REXO1: variants seen among roughly 807,000 people sequenced by gnomAD.
The protein encoded by REXO1 is RNA exonuclease 1 homolog.
A neutral mutation model predicts 102.6 loss-of-function variants in REXO1; 42 were observed. The ratio of observed to expected loss-of-function variants is 0.41; its 90% CI spans 0.32 to 0.53. REXO1 has a LOEUF of 0.53. Among genes scored for constraint, REXO1 ranks in the 20% least tolerant of loss-of-function variants. REXO1 has a pLI of 0.27. For synonymous variants in REXO1, 908 were observed against 779.1 expected, an observed-to-expected ratio of 1.17 and a Z score of -2.76; for missense variants, 1,819 against 1,732.5, an observed-to-expected ratio of 1.05 and a Z score of -0.89.
At chr19:1,819,199 TCCCACCCACCC>T in intron 7 of REXO1, 68 bp from the exon 8 acceptor site, 2 of 1,202,714 alleles carry the variant, frequency 1.7e-6, no homozygotes, top group Non-Finnish European at 2.3e-6. Context: ...CCGCCTGCTC[TCCCACCCACCC>T]TGCCCTCCTC....
At chr19:1,847,182 G>A (rs549883602) in intron 1 of REXO1, among the ~76,000 whole-genome samples, 2 of 152,342 alleles carry the variant, frequency 1.3e-5, no homozygotes, top group South Asian at 2.1e-4. Context: ...GCAAACAACC[G>A]CCCACAGGTG....
chr19:1,847,392 G>T (rs977245112), intron 1 of REXO1, among the ~76,000 whole-genome samples: 17 of 152,202 alleles, frequency 1.1e-4, no homozygotes, highest in African/African-American at 3.9e-4. Flanking sequence ...TGGGACGAAG[G>T]AAGTCAGGGG....
chr19:1,826,993 T>A lies in REXO1; in HGVS notation c.1796A>T (p.Tyr599Phe). The change falls in exon 2 of 16, where the codon TAC (tyrosine) becomes TTC (phenylalanine). Residue 599 changes from tyrosine (Y) to phenylalanine (F), a missense_variant. Tyr to Phe is a conservative substitution (Grantham distance 22, BLOSUM62 3). Coordinates refer to ENST00000170168, the MANE Select transcript of REXO1 (RefSeq NM_020695.4). This position sits in a 1 kb window ranked among gnomAD's most constrained non-coding sequence, Gnocchi z 4.3. ...STSSAGADVD[Y>F]SALEKEVDFD... ...GTCCACCTCCTTCTCCAGGGCCGAG[T>A]AGTCCACATCCGCCCCCGCGCTGGA... The A allele has an allele frequency of 6.4e-7, 1 of 1,556,794 alleles. No homozygotes were observed. Among genetic ancestry groups the A allele is most frequent in the South Asian group, 1.2e-5 (1 of 85,008 alleles).
Position 1,826,915 on chromosome 19 carries a change from C to T in REXO1, c.1874G>A (p.Ser625Asn), listed in dbSNP as rs2069742220. ...ECLRIFNEST[S>N]VKTEDRGRLA... is the part of the protein sequence containing the mutation. Reference sequence around the variant, plus strand: ...CCGGCCTCTGTCCTCCGTCTTGACGCTGGTGGACTCGTTGAAGATCCGCAG... The same window carrying T: ...CCGGCCTCTGTCCTCCGTCTTGACGTTGGTGGACTCGTTGAAGATCCGCAG... The change falls in exon 2 of 16, where the codon AGC (serine) becomes AAC (asparagine). Residue 625 changes from serine (S) to asparagine (N), a missense_variant. By Grantham distance (46) the Ser-to-Asn change is conservative (BLOSUM62 1). Coordinates refer to ENST00000170168, the MANE Select transcript of REXO1 (RefSeq NM_020695.4). This position sits in a 1 kb window ranked among gnomAD's most constrained non-coding sequence, Gnocchi z 4.3. 1.3e-6 allele frequency: 2 copies of T among 1,584,144 alleles called. No individual in the cohort carries two copies. The highest frequency in any genetic ancestry group is 2.2e-4 in the Middle Eastern group (1 of 4,496).
chr19:1,835,529 C>T (rs1404486570), intron 1 of REXO1, among the ~76,000 whole-genome samples: 1 of 152,154 alleles, frequency 6.6e-6, no homozygotes, highest in African/African-American at 2.4e-5. Flanking sequence ...ACCTGGGCGA[C>T]AGAGCTATAC....
chr19:1,816,838 A>AT (rs1263426573), intron 12 of REXO1, 25 bp from the exon 13 acceptor site: 2 of 1,552,126 alleles, frequency 1.3e-6, no homozygotes, highest in Non-Finnish European at 8.9e-7. Context: ...TGCACCTCAG[A>AT]TGTGTCCCAG....
chr19:1,827,687 C>G lies in REXO1; in HGVS notation c.1102G>C (p.Gly368Arg). The G allele has an allele frequency of 6.4e-7, 1 of 1,567,250 alleles. No individual in the cohort carries two copies. The highest frequency in any genetic ancestry group is 8.5e-7 in the Non-Finnish European group (1 of 1,170,836). ...SPAQVQSSQD[G>R]GCPKEGKPKK... ...GGTTTTCCCTCCTTGGGGCAGCCCC[C>G]ATCCTGTGAGGACTGGACCTGGGCT... Residue 368 changes from glycine to arginine, a missense_variant, in exon 2 of 16, where the codon GGG becomes CGG. Physicochemically the swap from Gly to Arg is moderately radical, Grantham distance 125. Coordinates refer to ENST00000170168, the MANE Select transcript of REXO1 (RefSeq NM_020695.4).
At chr19:1,836,583 T>C (rs1017644271) in intron 1 of REXO1, among the ~76,000 whole-genome samples, 2 of 151,762 alleles carry the variant, frequency 1.3e-5, no homozygotes, top group African/African-American at 2.4e-5. Flanking sequence ...CCGTCTCTAC[T>C]AAGAAAACAC....
chr19:1,821,636 G>A lies in REXO1; in HGVS notation c.2277C>T (p.Ser759=). The A allele has an allele frequency of 1.2e-6, 2 of 1,613,466 alleles. No individual in the cohort carries two copies. The highest frequency in any genetic ancestry group is 1.7e-5 in the Admixed American group (1 of 60,008). ...KRTLAASGSQ[S]SNGPEPGGQQ... is the part of the protein sequence containing the mutation. ...GGCCACCTGGCTCAGGGCCGTTGGAGGACTGGCTGCCGCTGGCCGCAAGGG... is the reference window on the plus strand; with the variant it reads ...GGCCACCTGGCTCAGGGCCGTTGGAAGACTGGCTGCCGCTGGCCGCAAGGG... The change falls in exon 5 of 16, where the codon TCC becomes TCT. Residue 759 remains serine, a synonymous_variant. Transcript: ENST00000170168.
rs1315453632 is a variant in REXO1 at position 1,826,422 on chromosome 19, T to G, written c.1911+456A>C. On this transcript the variant is annotated intron_variant, in intron 2 of 15. Transcript: ENST00000170168. The surrounding 1 kb of genome is among the most constrained non-coding windows in gnomAD (Gnocchi z 4.3). ...GGGAGGAGAAAGGAGCCGGAGGGGA[T>G]GAGGAGGAGGCAAGGAGAGGAGACA... Among the ~76,000 whole-genome samples, 2 of 134,770 alleles carry G rather than the reference T, an allele frequency of 1.5e-5. No homozygotes were observed. Among genetic ancestry groups the G allele is most frequent in the East Asian group, 2.1e-4 (1 of 4,668 alleles). 88.4% of individuals were successfully genotyped at this position (134,770 alleles called of 152,430 possible).
chr19:1,815,451 T>C lies in REXO1; in HGVS notation c.*615A>G. On this transcript the variant is annotated 3_prime_UTR_variant, in exon 16 of 16. Transcript: ENST00000170168. This position sits in a 1 kb window ranked among gnomAD's most constrained non-coding sequence, Gnocchi z 4.0. ...CGGAGTGCAGGGGTGGGGCGGCGAG[T>C]GGTGGAAGCCGGCGCCCCCGAAGAC... 6.2e-6 allele frequency: 1 copy of C among 161,320 alleles called. No individual in the cohort carries two copies. The highest frequency in any genetic ancestry group is 1.6e-4 in the South Asian group (1 of 6,314). The allele number at this position is 161,320 out of a possible 1,614,324, so 10.0% of individuals were successfully genotyped here.
At chr19:1,833,612 C>G (rs1038707005) in intron 1 of REXO1, among the ~76,000 whole-genome samples, 1 of 152,200 alleles carries the variant, frequency 6.6e-6, no homozygotes, top group Admixed American at 6.5e-5. Flanking sequence ...TCAGCCCCCA[C>G]CCAGGGGGAG....
Position 1,827,996 on chromosome 19 carries a change from T to A in REXO1, c.793A>T (p.Ser265Cys), listed in dbSNP as rs1228065656. 1.2e-6 allele frequency: 2 copies of A among 1,613,266 alleles called. No homozygotes were observed. The highest frequency in any genetic ancestry group is 2.7e-5 in the African/African-American group (2 of 75,014). Reference protein sequence around the residue: ...AAKRPRGSRGSEPYTPAPKKL... With the variant: ...AAKRPRGSRGCEPYTPAPKKL... ...TTGGGAGCAGGTGTGTAGGGCTCACTGCCGCGGGAGCCCCGGGGCCGCTTG... is the reference window on the plus strand; with the variant it reads ...TTGGGAGCAGGTGTGTAGGGCTCACAGCCGCGGGAGCCCCGGGGCCGCTTG... Residue 265 changes from serine to cysteine, a missense_variant, in exon 2 of 16, where the codon AGT becomes TGT. Transcript: ENST00000170168.
chr19:1,847,715 G>A (rs1224481869), intron 1 of REXO1, among the ~76,000 whole-genome samples: 2 of 152,206 alleles, frequency 1.3e-5, no homozygotes, highest in Non-Finnish European at 2.9e-5. Flanking sequence ...GACGATCCTC[G>A]GACCATCCTA....
At chr19:1,817,507 C>T (rs527379571) in intron 11 of REXO1, 178 bp from the exon 12 acceptor site, 32 of 1,465,104 alleles carry the variant, frequency 2.2e-5, no homozygotes, top group South Asian at 1.7e-4. Flanking sequence ...ACAGGGAGGA[C>T]GGCTTCCCAG....
intron 1 of REXO1, among the ~76,000 whole-genome samples, chr19:1,836,815 G>A (rs964280859): frequency 8.8e-5 from 13 of 148,256 alleles, no homozygotes; most frequent in African/African-American, 1.5e-4. Flanking sequence ...CGGTGGGCCC[G>A]CAGGGCTCTC....
In REXO1 at chr19:1,838,148, C is replaced by T. The variant is rs1042065714; in HGVS notation, c.158-9517G>A. On this transcript the variant is annotated intron_variant, in intron 1 of 15. Transcript: ENST00000170168. ...CAGCCTGGCCAACATGGGGAAACCC[C>T]GTCCCTACTAAAACTACAAAAAATT... Among the ~76,000 whole-genome samples, 17 of 151,242 alleles carry T rather than the reference C, an allele frequency of 1.1e-4. No individual in the cohort carries two copies. The South Asian group carries it at 1.7e-3, about 15-fold the overall frequency.
At chr19:1,829,321 C>T (rs2069841583) in intron 1 of REXO1, among the ~76,000 whole-genome samples, 1 of 152,074 alleles carries the variant, frequency 6.6e-6, no homozygotes, top group African/African-American at 2.4e-5. Context: ...TCACCGCAGC[C>T]TCTATCTCCC....
chr19:1,847,740 G>A (rs74329266), intron 1 of REXO1, among the ~76,000 whole-genome samples: 3,845 of 152,346 alleles, frequency 0.025, 69 homozygotes, highest in East Asian at 0.081. Context: ...AACGACTGGA[G>A]ACTGAGGTGG....
Sources: allele counts gnomAD v4.1 joint callset (sites outside exome capture counted in the v4.1 genomes callset), GRCh38; gene constraint gnomAD v4.1.1; non-coding constraint Gnocchi (gnomAD v3.1); transcripts MANE v1.5; gene names NCBI Gene and HGNC (gene_info 2026-07-23, HGNC 2026-07-21).